The following MEI4 variants were observed in gnomAD, a reference collection of about 807,000 sequenced individuals.
The protein encoded by MEI4 is meiosis-specific protein MEI4.
In MEI4, 27 loss-of-function variants were observed where a neutral mutation model predicts 31.4. The observed-to-expected ratio is 0.86, with a 90% confidence interval of 0.63 to 1.19. The LOEUF (loss-of-function observed/expected upper bound fraction) is 1.19. Among genes scored for constraint, MEI4 ranks in the 50% most tolerant of loss-of-function variants. The pLI is 0.00. For missense variants in MEI4, 329 were observed against 398.9 expected (o/e 0.82, Z 1.49); for synonymous variants, 122 against 145.4 (o/e 0.84, Z 1.16).
chr6:77,744,468 G>A (rs1223923044), intron 2 of MEI4, among the ~76,000 whole-genome samples: 1 of 152,096 alleles, frequency 6.6e-6, no homozygotes, highest in Non-Finnish European at 1.5e-5. Context: ...ATGGGACTAT[G>A]CGAAAAGACC....
At chr6:77,778,600 G>T (rs931164474) in intron 3 of MEI4, among the ~76,000 whole-genome samples, 2 of 151,942 alleles carry the variant, frequency 1.3e-5, no homozygotes, top group African/African-American at 2.4e-5. Context: ...TACCTGGGAG[G>T]CTGAGATGGG....
intron 2 of MEI4, among the ~76,000 whole-genome samples, chr6:77,710,536 A>G (rs953212342): frequency 1.0e-4 from 15 of 149,288 alleles, no homozygotes; most frequent in African/African-American, 3.4e-4. Context: ...AAAAAAAAAA[A>G]AAAAAAGAAA....
At position 77,665,737 on chromosome 6, in the gene MEI4, C is replaced by T. The variant is rs181317647; in HGVS notation, c.-15+12645C>T. Among the ~76,000 whole-genome samples, 680 of 151,918 alleles carry T rather than the reference C, an allele frequency of 4.5e-3. 1 individual carries two copies. The highest frequency in any genetic ancestry group is 0.014 in the African/African-American group (579 of 41,354). ...TAAAACGTGTCTCCTTTGTCTCGCC[C>T]GGAAAATGAAAGGAATTGAAATTAA... On this transcript the variant is annotated intron_variant, in intron 1 of 4. Transcript: ENST00000684080.
At position 77,783,283 on chromosome 6, in the gene MEI4, C is replaced by T. The variant is rs544333251; in HGVS notation, c.768+21618C>T. 4.2e-4 allele frequency among the ~76,000 whole-genome samples: 64 copies of T among 152,230 alleles called. No individual in the cohort carries two copies. In the South Asian group the frequency reaches 0.013, roughly 31 times the overall value. On this transcript the variant is annotated intron_variant, in intron 3 of 4. Coordinates refer to ENST00000684080, the MANE Select transcript of MEI4 (RefSeq NM_001322247.2). Reference sequence around the variant, plus strand: ...CAATATCTGCTTACCCTGTGATAGGCATATACCTCAGGATATGGAAAAGAC... The same window carrying T: ...CAATATCTGCTTACCCTGTGATAGGTATATACCTCAGGATATGGAAAAGAC...
chr6:77,776,199 T>C (rs1211460055), intron 3 of MEI4, among the ~76,000 whole-genome samples: 1 of 151,802 alleles, frequency 6.6e-6, no homozygotes, highest in African/African-American at 2.4e-5. Flanking sequence ...TTTTGCTGTG[T>C]AGAAGCAAAG....
chr6:77,903,567 C>A (rs1275129860), intron 4 of MEI4, among the ~76,000 whole-genome samples: 3 of 152,068 alleles, frequency 2.0e-5, no homozygotes, highest in Non-Finnish European at 2.9e-5. Context: ...AACATCTGTA[C>A]TATGTTGAAT....
chr6:77,770,677 G>C (rs1027682243), intron 3 of MEI4, among the ~76,000 whole-genome samples: 3 of 152,070 alleles, frequency 2.0e-5, no homozygotes, highest in Non-Finnish European at 2.9e-5. Context: ...ATAGAATAAA[G>C]AGCTTAGAAA....
At chr6:77,850,859 A>G (rs1770599426) in intron 4 of MEI4, among the ~76,000 whole-genome samples, 1 of 152,076 alleles carries the variant, frequency 6.6e-6, no homozygotes, top group Non-Finnish European at 1.5e-5. Context: ...AACCTACAGA[A>G]TGGGAGAAAA....
chr6:77,868,891 T>C (rs1415039951), intron 4 of MEI4, among the ~76,000 whole-genome samples: 1 of 151,774 alleles, frequency 6.6e-6, no homozygotes, highest in African/African-American at 2.4e-5. Flanking sequence ...GTCACTGAAG[T>C]AGAAAAGAAG....
chr6:77,865,423 A>C (rs1379606726), intron 4 of MEI4, among the ~76,000 whole-genome samples: 1 of 152,206 alleles, frequency 6.6e-6, no homozygotes, highest in African/African-American at 2.4e-5. Flanking sequence ...CAGAAATTCA[A>C]ACTACCATCA....
chr6:77,688,361 CT>C (rs1476511285), intron 1 of MEI4, among the ~76,000 whole-genome samples: 1 of 152,010 alleles, frequency 6.6e-6, no homozygotes, highest in Non-Finnish European at 1.5e-5. Flanking sequence ...TGCTAAACCT[CT>C]TTATTAGCAA....
intron 1 of MEI4, among the ~76,000 whole-genome samples, chr6:77,665,084 CT>C (rs1410383263): frequency 1.1e-4 from 16 of 151,372 alleles, no homozygotes; most frequent in Non-Finnish European, 2.4e-4. Context: ...GGGTTCTTAC[CT>C]GCCAGAAAAG....
chr6:77,885,843 C>T (rs1214727479), intron 4 of MEI4, among the ~76,000 whole-genome samples: 1 of 152,116 alleles, frequency 6.6e-6, no homozygotes, highest in Non-Finnish European at 1.5e-5. Flanking sequence ...TATGTTCCTT[C>T]TGTGCCTACT....
intron 2 of MEI4, among the ~76,000 whole-genome samples, chr6:77,741,178 G>A (rs1447495179): frequency 6.6e-6 from 1 of 152,170 alleles, no homozygotes; most frequent in Non-Finnish European, 1.5e-5. Context: ...TTGGTGAACT[G>A]TCAGGAATTT....
chr6:77,845,209 A>G (rs1323420523), intron 4 of MEI4, among the ~76,000 whole-genome samples: 1 of 152,208 alleles, frequency 6.6e-6, no homozygotes, highest in African/African-American at 2.4e-5. Flanking sequence ...GATGCTGGGC[A>G]GGAGGAATTG....
intron 3 of MEI4, among the ~76,000 whole-genome samples, chr6:77,766,537 C>G (rs1217208475): frequency 6.6e-6 from 1 of 152,208 alleles, no homozygotes; most frequent in Non-Finnish European, 1.5e-5. Context: ...CCTCAGCCTT[C>G]TGAGTAGCTG....
intron 2 of MEI4, among the ~76,000 whole-genome samples, chr6:77,749,332 G>T (rs535772309): frequency 2.0e-5 from 3 of 152,228 alleles, no homozygotes; most frequent in South Asian, 4.1e-4. Context: ...AGCTAAAGGA[G>T]CATGTTCTAA....
intron 4 of MEI4, among the ~76,000 whole-genome samples, chr6:77,851,349 A>G (rs9341699): frequency 0.83 from 125,507 of 151,992 alleles, 52,333 homozygotes; most frequent in East Asian, 0.95. Context: ...TGTTTATTGC[A>G]GCACTATTCA....
chr6:77,704,807 C>A (rs774452667), intron 2 of MEI4, among the ~76,000 whole-genome samples: 4 of 152,078 alleles, frequency 2.6e-5, no homozygotes, highest in Non-Finnish European at 5.9e-5. Context: ...ATGATTCAAA[C>A]ACCCAAGTGT....
Sources: gnomAD v4.1 joint callset for allele counts (sites outside exome capture counted in the v4.1 genomes callset) on GRCh38, gnomAD v4.1.1 for gene constraint, MANE v1.5 for transcripts, NCBI Gene and HGNC (gene_info 2026-07-23, HGNC 2026-07-21) for gene names.